SACS: variants seen among roughly 807,000 people sequenced by gnomAD.
SACS encodes sacsin.
A neutral mutation model predicts 348.0 loss-of-function variants in SACS; 197 were observed. The observed-to-expected ratio is 0.57, with a 90% CI of 0.50 to 0.64. SACS has a LOEUF of 0.64. SACS is among the 30% of genes least tolerant of loss of function. The pLI, the probability that SACS is intolerant of heterozygous loss-of-function variation, is 0.00. For synonymous variants in SACS, 1,985 were observed against 1,910.6 expected (o/e 1.04, Z -1.02); for missense variants, 4,999 against 5,360.8 (o/e 0.93, Z 2.11).
rs1883579031 is a variant in SACS, at chr13:23,332,890, T to A, written c.10986A>T (p.Glu3662Asp). 1 of 1,613,800 alleles carries A rather than the reference T, an allele frequency of 6.2e-7. No homozygotes were observed. Among genetic ancestry groups the A allele is most frequent in the Non-Finnish European group, 8.5e-7 (1 of 1,179,930 alleles). ...GATATTGAGGATGAAATCTAATGAA[T>A]TCCGCGGGGGCCCGCTCAGGACATA... Reference protein sequence around the residue: ...PFLCPERAPAEFIRFHPQYQE... With the variant: ...PFLCPERAPADFIRFHPQYQE... The change falls in exon 10 of 10, where the codon GAA becomes GAT. Residue 3662 changes from glutamate to aspartate, a missense_variant. Physicochemically the swap from Glu to Asp is conservative, Grantham distance 45. Around this residue, in one of 6 missense-constraint regions of SACS, gnomAD observed 831 missense variants for 941.8 expected, o/e 0.88. Transcript: ENST00000382292.
At position 23,335,500 on chromosome 13, in the gene SACS, C is replaced by T; in HGVS notation, c.8376G>A (p.Arg2792=). The T allele has an allele frequency of 6.2e-7, 1 of 1,613,636 alleles. No homozygotes were observed. The highest frequency in any genetic ancestry group is 8.5e-7 in the Non-Finnish European group (1 of 1,179,884). The change falls in exon 10 of 10, where the codon AGG becomes AGA. Residue 2792 remains arginine, a synonymous_variant. Transcript: ENST00000382292. This position sits in a 1 kb window ranked among gnomAD's most constrained non-coding sequence, Gnocchi z 4.7. The part of the protein sequence containing the change: ...ASVIDSVTKK[R]QLKDIPVQQI... ...GTTGAACTGGTATGTCTTTGAGCTG[C>T]CTCTTTTTAGTAACACTATCAATTA...
chr13:23,341,777 G>GTTA, intron 9 of SACS, 87 bp from the exon 10 acceptor site: 1 of 616,912 alleles, frequency 1.6e-6, no homozygotes, highest in Non-Finnish European at 2.5e-6. Context: ...GTACTGGAAG[G>GTTA]TTCTTTTTTT....
At chr13:23,374,985 A>G in intron 3 of SACS, 134 bp downstream of exon 3, 1 of 870,764 alleles carries the variant, frequency 1.1e-6, no homozygotes, top group Non-Finnish European at 1.6e-6. Context: ...ACAACTCAGG[A>G]CAAGCACAGG....
chr13:23,355,912 T>C lies in SACS; in HGVS notation c.700A>G (p.Lys234Glu). ...TCACTAATTTCTTTGCTGTCATCTT[T>C]GAGATTCCAACATTGGCCTGATTCA... ...PHESGQCWNLKDDSKEISELS... is the reference protein window; with the variant it reads ...PHESGQCWNLEDDSKEISELS... The change falls in exon 8 of 10, where the codon AAA (lysine) becomes GAA (glutamate). Residue 234 changes from lysine (K) to glutamate (E), a missense_variant. Physicochemically the swap from Lys to Glu is moderately conservative, Grantham distance 56. This residue lies in a region of SACS where 3,156 missense variants were observed against 3,380.1 expected (regional missense o/e 0.93). Transcript: ENST00000382292. The C allele has an allele frequency of 6.2e-7, 1 of 1,614,118 alleles. No individual in the cohort carries two copies.
intron 6 of SACS, among the ~76,000 whole-genome samples, chr13:23,362,797 G>A (rs1310791437): frequency 6.6e-6 from 1 of 151,970 alleles, no homozygotes; most frequent in Non-Finnish European, 1.5e-5. Context: ...TGTTGACCAG[G>A]CTGGTTTCAA....
In SACS at chr13:23,331,441, A is replaced by G. The variant is rs1883468478; in HGVS notation, c.12435T>C (p.Ser4145=). ...GAAGTTCCAGTTTTGATGGCTCCGAAGAGTCATATTTCACTCCTAAACTGT... is the reference window on the plus strand; with the variant it reads ...GAAGTTCCAGTTTTGATGGCTCCGAGGAGTCATATTTCACTCCTAAACTGT... The part of the protein sequence containing the change: ...KLDSLGVKYD[S]SEPSKLELPM... Residue 4145 remains serine (S), a synonymous_variant, in exon 10 of 10, where the codon TCT becomes TCC. Coordinates refer to ENST00000382292, the MANE Select transcript of SACS (RefSeq NM_014363.6). 6.2e-7 allele frequency: 1 copy of G among 1,614,026 alleles called. No individual in the cohort carries two copies. The highest frequency in any genetic ancestry group is 8.5e-7 in the Non-Finnish European group (1 of 1,179,928).
intron 2 of SACS, among the ~76,000 whole-genome samples, chr13:23,408,246 C>T (rs918773581): frequency 3.9e-5 from 6 of 152,008 alleles, no homozygotes; most frequent in Non-Finnish European, 8.8e-5. Flanking sequence ...CCTGCTCTTA[C>T]GCACACTGTA....
chr13:23,398,513 G>A (rs376681725), intron 2 of SACS, among the ~76,000 whole-genome samples: 12 of 129,316 alleles, frequency 9.3e-5, no homozygotes, highest in East Asian at 9.2e-4. Flanking sequence ...CAGCCTGGGC[G>A]ACAAGAGTGA....
At chr13:23,380,324 A>G (rs892172602) in intron 2 of SACS, among the ~76,000 whole-genome samples, 1 of 152,128 alleles carries the variant, frequency 6.6e-6, no homozygotes, top group African/African-American at 2.4e-5. Flanking sequence ...CAGGAAGGAA[A>G]CCAAAGGGCT....
intron 4 of SACS, among the ~76,000 whole-genome samples, chr13:23,369,567 C>T (rs1424375535): frequency 6.7e-6 from 1 of 149,452 alleles, no homozygotes; most frequent in Non-Finnish European, 1.5e-5. Flanking sequence ...TTTTTTCAGA[C>T]GGACTCTCCT....
At chr13:23,354,323 T>TA (rs1306173459) in intron 8 of SACS, among the ~76,000 whole-genome samples, 196 bp downstream of exon 8, 1 of 152,230 alleles carries the variant, frequency 6.6e-6, no homozygotes, top group East Asian at 1.9e-4. Context: ...TTTCAACTGA[T>TA]AAACATTTGA....
chr13:23,403,948 T>C (rs1873096223), intron 2 of SACS, among the ~76,000 whole-genome samples: 1 of 152,236 alleles, frequency 6.6e-6, no homozygotes. Flanking sequence ...CATTGTGTCT[T>C]TGTTCTCATT....
chr13:23,401,555 G>A (rs1444376232), intron 2 of SACS, among the ~76,000 whole-genome samples: 1 of 152,190 alleles, frequency 6.6e-6, no homozygotes, highest in Non-Finnish European at 1.5e-5. Flanking sequence ...GCTATGTCAT[G>A]GACGGATCCT....
In SACS at chr13:23,375,203, C is replaced by A. The variant is rs1182366381; in HGVS notation, c.87G>T (p.Trp29Cys). 5 of 1,501,460 alleles carry A rather than the reference C, an allele frequency of 3.3e-6. No homozygotes were observed. The highest frequency in any genetic ancestry group is 1.5e-5 in the African/African-American group (1 of 68,628). The allele number at this position is 1,501,460 out of a possible 1,614,324, so 93.0% of individuals were successfully genotyped here. The part of the protein sequence containing the change: ...GCRTVAALAS[W>C]TVRDVKERIF... ...TACGTTCCTTCACATCGCGCACGGTCCAGGACGCCAGCGCCGCGACGGTCC... is the reference window on the plus strand; with the variant it reads ...TACGTTCCTTCACATCGCGCACGGTACAGGACGCCAGCGCCGCGACGGTCC... The change falls in exon 3 of 10, where the codon TGG (tryptophan) becomes TGT (cysteine). Residue 29 changes from tryptophan (W) to cysteine (C), a missense_variant. Around this residue, in one of 6 missense-constraint regions of SACS, gnomAD observed 3,156 missense variants for 3,380.1 expected, o/e 0.93. Transcript: ENST00000382292.
intron 2 of SACS, among the ~76,000 whole-genome samples, chr13:23,376,387 C>CAA (rs34834210): frequency 3.6e-5 from 5 of 139,344 alleles, no homozygotes; most frequent in East Asian, 4.1e-4. Context: ...ATACACATTG[C>CAA]AAAAAAAAAA....
chr13:23,428,463 A>C (rs1255089071), intron 1 of SACS: 2 of 152,242 alleles, frequency 1.3e-5, no homozygotes, highest in Non-Finnish European at 2.9e-5. Context: ...AAGGCACAGC[A>C]AGCATTTTGG....
chr13:23,377,673 T>A (rs1271504684), intron 2 of SACS, among the ~76,000 whole-genome samples: 1 of 152,142 alleles, frequency 6.6e-6, no homozygotes, highest in African/African-American at 2.4e-5. Context: ...CCTTCCCCGG[T>A]ACCCACTCCT....
rs747566710 is a variant in SACS at position 23,337,817 on chromosome 13, C to A, written c.6059G>T (p.Gly2020Val). ...KIFLKYLKKTGSKNLCAVELP... is the reference protein window; with the variant it reads ...KIFLKYLKKTVSKNLCAVELP... ...TTCAACAGCACAAAGGTTTTTGGAC[C>A]CAGTCTTCTTGAGGTATTTCAAAAA... is the stretch of plus-strand genomic sequence containing the variant. The change falls in exon 10 of 10, where the codon GGG (glycine) becomes GTG (valine). Residue 2020 changes from glycine to valine, a missense_variant. This residue lies in a region of SACS where 3,156 missense variants were observed against 3,380.1 expected (regional missense o/e 0.93). Transcript: ENST00000382292. 6.2e-7 allele frequency: 1 copy of A among 1,613,826 alleles called. No individual in the cohort carries two copies. Among genetic ancestry groups the A allele is most frequent in the Non-Finnish European group, 8.5e-7 (1 of 1,179,942 alleles).
Position 23,340,442 on chromosome 13 carries a change from G to C in SACS, c.3434C>G (p.Ser1145Cys). The change falls in exon 10 of 10, where the codon TCT becomes TGT. Residue 1145 changes from serine (S) to cysteine (C), a missense_variant. Coordinates refer to ENST00000382292, the MANE Select transcript of SACS (RefSeq NM_014363.6). ...LNKNHTLLQS[S>C]EGKMTLKKIK... Reference sequence around the variant, plus strand: ...TTTCTTCAATGTCATCTTTCCTTCAGATGATTGCAACAGTGTGTGATTCTT... The same window carrying C: ...TTTCTTCAATGTCATCTTTCCTTCACATGATTGCAACAGTGTGTGATTCTT... The C allele has an allele frequency of 6.2e-7, 1 of 1,614,100 alleles. No homozygotes were observed. The highest frequency in any genetic ancestry group is 8.5e-7 in the Non-Finnish European group (1 of 1,180,024).
Sources: gnomAD v4.1 joint callset for allele counts (sites outside exome capture counted in the v4.1 genomes callset) on GRCh38, gnomAD v4.1.1 for gene constraint, gnomAD v4.1.1 regional missense constraint, Gnocchi (gnomAD v3.1) non-coding constraint, MANE v1.5 for transcripts, NCBI Gene and HGNC (gene_info 2026-07-23, HGNC 2026-07-21) for gene names.